SCAPER: variants seen among roughly 807,000 people sequenced by gnomAD.
SCAPER encodes the protein S phase cyclin A-associated protein in the endoplasmic reticulum.
In SCAPER, 98 loss-of-function variants were observed where a neutral mutation model predicts 182.2. The observed-to-expected ratio is 0.54, with a 90% confidence interval of 0.46 to 0.64. SCAPER has a LOEUF of 0.64. Ranked by LOEUF, SCAPER falls within the 30% of genes least tolerant of loss-of-function variation. The pLI is 0.00. For synonymous variants in SCAPER, 605 were observed against 564.6 expected (o/e 1.07, Z -1.01); for missense variants, 1,432 against 1,690.0 (o/e 0.85, Z 2.68).
rs1015505215 is a variant in SCAPER, at chr15:76,578,623, G to A, written c.2712-4339C>T. On this transcript the variant is annotated intron_variant, in intron 22 of 31. Coordinates refer to ENST00000563290, the MANE Select transcript of SCAPER (RefSeq NM_020843.4). ...AAGACCACCAAGGCAGTACCTCTAC[G>A]AGTCTATAAGAGCCATAGTGTTACT... Among the ~76,000 whole-genome samples the A allele has an allele frequency of 2.0e-5, 3 of 152,212 alleles. No individual in the cohort carries two copies. The East Asian group carries it at 5.8e-4, about 29-fold the overall frequency.
rs3743176 is a variant in SCAPER at position 76,404,573 on chromosome 15, C to T, written c.3418G>A (p.Ala1140Thr). The change falls in exon 27 of 32, where the codon GCA becomes ACA. Residue 1140 changes from alanine to threonine, a missense_variant. Ala to Thr is a moderately conservative substitution (Grantham distance 58, BLOSUM62 0). This residue lies in a region of SCAPER where 718 missense variants were observed against 799.7 expected (regional missense o/e 0.90). Coordinates refer to ENST00000563290, the MANE Select transcript of SCAPER (RefSeq NM_020843.4). ...PKMAIFLQHA[A>T]GLLHAMCTLC... ...GTACACATTGCATGTAAGAGTCCTG[C>T]GGCATGCTGCAGAAATATGGCCATC... The T allele has an allele frequency of 1.6e-3, 2,534 of 1,613,460 alleles. 38 individuals are homozygous for T. The African/African-American group carries it at 0.027, about 17-fold the overall frequency.
At chr15:76,859,495 A>G (rs1449865267) in intron 3 of SCAPER, among the ~76,000 whole-genome samples, 1 of 152,214 alleles carries the variant, frequency 6.6e-6, no homozygotes, top group Admixed American at 6.5e-5. Flanking sequence ...AAAGCAGAGA[A>G]CTTTTTTTAA....
chr15:76,791,337 G>A (rs954476954), intron 8 of SCAPER, among the ~76,000 whole-genome samples: 1 of 152,104 alleles, frequency 6.6e-6, no homozygotes, highest in African/African-American at 2.4e-5. Flanking sequence ...AAATTAAACA[G>A]CATTGAAAAG....
chr15:76,360,101 C>T (rs1389845945), intron 29 of SCAPER, among the ~76,000 whole-genome samples: 1 of 152,170 alleles, frequency 6.6e-6, no homozygotes, highest in African/African-American at 2.4e-5. Flanking sequence ...ATCCTGGGCA[C>T]CAACTCAGGG....
chr15:76,754,072 T>A, intron 14 of SCAPER, 124 bp from the exon 15 acceptor site: 1 of 1,042,792 alleles, frequency 9.6e-7, no homozygotes, highest in South Asian at 1.7e-5. Context: ...GCAACATGAC[T>A]AACAATTAAG....
chr15:76,780,425 T>G (rs745623002), intron 8 of SCAPER, among the ~76,000 whole-genome samples: 14 of 152,232 alleles, frequency 9.2e-5, no homozygotes, highest in Non-Finnish European at 1.3e-4. Context: ...CTACTGCCTC[T>G]ATAGACTCCA....
intron 23 of SCAPER, among the ~76,000 whole-genome samples, chr15:76,527,625 T>C (rs914484502): frequency 1.3e-5 from 2 of 152,210 alleles, no homozygotes; most frequent in African/African-American, 4.8e-5. Context: ...TGACTGTAGG[T>C]TGTGAACATA....
chr15:76,671,148 T>C (rs1246810757), intron 20 of SCAPER, among the ~76,000 whole-genome samples: 2 of 151,674 alleles, frequency 1.3e-5, no homozygotes, highest in Non-Finnish European at 2.9e-5. Context: ...GAGATCAACC[T>C]GGGCAACATG....
intron 22 of SCAPER, among the ~76,000 whole-genome samples, chr15:76,614,023 A>G (rs1253255120): frequency 2.0e-5 from 3 of 152,218 alleles, no homozygotes; most frequent in African/African-American, 7.2e-5. Context: ...TAGACTGGAT[A>G]AAGAAAATGT....
intron 28 of SCAPER, among the ~76,000 whole-genome samples, chr15:76,378,566 G>A (rs914104253): frequency 2.5e-4 from 38 of 152,268 alleles, no homozygotes; most frequent in African/African-American, 7.7e-4. Flanking sequence ...TCTTGATCAC[G>A]TCCATCTACA....
At chr15:76,855,179 G>T (rs2071211949) in intron 4 of SCAPER, among the ~76,000 whole-genome samples, 1 of 152,022 alleles carries the variant, frequency 6.6e-6, no homozygotes, top group Admixed American at 6.6e-5. Context: ...ATGGAGAAAG[G>T]ACTCTCTATT....
intron 27 of SCAPER, among the ~76,000 whole-genome samples, chr15:76,388,697 A>G (rs767146712): frequency 1.8e-4 from 28 of 152,182 alleles, no homozygotes; most frequent in Admixed American, 3.3e-4. Flanking sequence ...GTGGTGGCTC[A>G]CGTCTGTAAT....
intron 24 of SCAPER, among the ~76,000 whole-genome samples, chr15:76,498,936 T>G (rs2040858166): frequency 6.6e-6 from 1 of 152,200 alleles, no homozygotes; most frequent in Admixed American, 6.5e-5. Context: ...ATGCATATAC[T>G]GTAAAGAAAT....
intron 23 of SCAPER, among the ~76,000 whole-genome samples, chr15:76,526,440 G>T (rs975771640): frequency 1.3e-5 from 2 of 152,102 alleles, no homozygotes; most frequent in Non-Finnish European, 2.9e-5. Flanking sequence ...GTTTCACTGT[G>T]ATGCCTTTAT....
At chr15:76,513,084 T>C (rs1226623556) in intron 23 of SCAPER, among the ~76,000 whole-genome samples, 1 of 152,098 alleles carries the variant, frequency 6.6e-6, no homozygotes, top group Non-Finnish European at 1.5e-5. Context: ...TATTCATCCA[T>C]CACCTCTGCC....
intron 17 of SCAPER, among the ~76,000 whole-genome samples, chr15:76,724,609 G>A (rs1388578081): frequency 6.6e-6 from 1 of 152,110 alleles, no homozygotes; most frequent in Non-Finnish European, 1.5e-5. Context: ...ATATTTCTTG[G>A]AGGCTTTGTG....
chr15:76,826,599 T>TA, intron 5 of SCAPER, among the ~76,000 whole-genome samples: 1 of 147,254 alleles, frequency 6.8e-6, no homozygotes, highest in Non-Finnish European at 1.5e-5. Flanking sequence ...ATTATCTCAA[T>TA]AAAAAGTGCA....
At chr15:76,396,812 T>A (rs574830005) in intron 27 of SCAPER, among the ~76,000 whole-genome samples, 1 of 152,306 alleles carries the variant, frequency 6.6e-6, no homozygotes, top group Non-Finnish European at 1.5e-5. Flanking sequence ...TTCTTTCTTC[T>A]GTCTGATTGC....
At chr15:76,548,836 AAAACC>A (rs1392692702) in intron 23 of SCAPER, among the ~76,000 whole-genome samples, 38 of 152,234 alleles carry the variant, frequency 2.5e-4, no homozygotes, top group Non-Finnish European at 7.3e-5. Flanking sequence ...TAAAACCATA[AAAACC>A]CTAGAAGAAA....
Sources: allele counts gnomAD v4.1 joint callset (sites outside exome capture counted in the v4.1 genomes callset), GRCh38; gene constraint gnomAD v4.1.1; regional missense constraint gnomAD v4.1.1; transcripts MANE v1.5; gene names NCBI Gene and HGNC (gene_info 2026-07-23, HGNC 2026-07-21).